MAP3K4: variants seen among roughly 807,000 people sequenced by gnomAD.
MAP3K4 encodes the protein mitogen-activated protein kinase kinase kinase 4.
MAP3K4 carries 67 observed loss-of-function variants against 185.6 expected under a neutral mutation model. The observed-to-expected ratio is 0.36, with a 90% CI of 0.30 to 0.44. MAP3K4 has a LOEUF of 0.44. Among genes scored for constraint, MAP3K4 ranks in the 20% least tolerant of loss-of-function variants. The pLI, the probability that MAP3K4 is intolerant of heterozygous loss-of-function variation, is 1.00. For synonymous variants in MAP3K4, 702 were observed against 710.4 expected (o/e 0.99, Z 0.19); for missense variants, 1,551 against 1,995.1 (o/e 0.78, Z 4.24).
At chr6:161,013,736 C>T (rs9346845) in intron 1 of MAP3K4, among the ~76,000 whole-genome samples, 1 of 152,354 alleles carries the variant, frequency 6.6e-6, no homozygotes, top group East Asian at 1.9e-4. Context: ...AGAGTAGCAG[C>T]TCAGGGCAGT....
intron 1 of MAP3K4, among the ~76,000 whole-genome samples, chr6:161,014,636 A>G (rs1224383482): frequency 4.6e-5 from 7 of 152,234 alleles, no homozygotes; most frequent in Non-Finnish European, 1.0e-4. Flanking sequence ...GACTACCAAA[A>G]AACATTGTGT....
rs1784934313 is a variant in MAP3K4 at position 161,071,347 on chromosome 6, A to T, written c.1950+497A>T. On this transcript the variant is annotated intron_variant, in intron 4 of 26. Transcript: ENST00000392142. This position sits in a 1 kb window ranked among gnomAD's most constrained non-coding sequence, Gnocchi z 4.6. The stretch of plus-strand genomic sequence containing the variant: ...GGATGTTTGATATCCCAGGAGCAGC[A>T]GCGGAATGGGTGGAAGCAGTTGTAT... Among the ~76,000 whole-genome samples the T allele has an allele frequency of 6.6e-6, 1 of 152,190 alleles. No homozygotes were observed.
At chr6:161,089,260 A>G (rs1785901707) in intron 10 of MAP3K4, 62 bp from the exon 11 acceptor site, 1 of 1,554,848 alleles carries the variant, frequency 6.4e-7, no homozygotes, top group Non-Finnish European at 8.7e-7. Flanking sequence ...ACTGGTGTTG[A>G]ACTAGAATAA....
Position 161,070,567 on chromosome 6 carries a change from G to A in MAP3K4, c.1708-41G>A, listed in dbSNP as rs370048611. On this transcript the variant is annotated intron_variant, in intron 3 of 26. Transcript: ENST00000392142. The surrounding 1 kb of genome is among the most constrained non-coding windows in gnomAD (Gnocchi z 4.5). ...AACCACAACCGTAGAACGTTGTCTC[G>A]TATGCTCTTTTAATCTGTGCCTGTT... The A allele has an allele frequency of 3.0e-5, 47 of 1,590,442 alleles. No homozygotes were observed. In the Middle Eastern group the frequency reaches 1.0e-3, roughly 35 times the overall value.
At chr6:160,995,736 A>C (rs1051010539) in intron 1 of MAP3K4, among the ~76,000 whole-genome samples, 3 of 152,180 alleles carry the variant, frequency 2.0e-5, no homozygotes, top group Non-Finnish European at 4.4e-5. Flanking sequence ...TTTTAGGAGG[A>C]TCCTGAGGTG....
Position 161,067,479 on chromosome 6 carries a change from A to C in MAP3K4, c.1708-3129A>C, listed in dbSNP as rs1228782294. The stretch of plus-strand genomic sequence containing the variant: ...GATTTGTTTTCCTTTCACAACCCTG[A>C]CCACATTTATTACAAGTAATTATTT... On this transcript the variant is annotated intron_variant, in intron 3 of 26. Coordinates refer to ENST00000392142, the MANE Select transcript of MAP3K4 (RefSeq NM_005922.4). This position sits in a 1 kb window ranked among gnomAD's most constrained non-coding sequence, Gnocchi z 6.3. 1.3e-5 allele frequency among the ~76,000 whole-genome samples: 2 copies of C among 152,170 alleles called. No individual in the cohort carries two copies. The highest frequency in any genetic ancestry group is 4.8e-5 in the African/African-American group (2 of 41,436).
chr6:161,070,057 T>C lies in MAP3K4; in HGVS notation c.1708-551T>C, dbSNP rs1784871089. On this transcript the variant is annotated intron_variant, in intron 3 of 26. Transcript: ENST00000392142. The surrounding 1 kb of genome is among the most constrained non-coding windows in gnomAD (Gnocchi z 4.5). ...GGATAACTGAGTCATGCCAACCAGGTTGATCTTAACGATTTTTTAATTTTT... is the reference window on the plus strand; with the variant it reads ...GGATAACTGAGTCATGCCAACCAGGCTGATCTTAACGATTTTTTAATTTTT... Among the ~76,000 whole-genome samples the C allele has an allele frequency of 1.3e-5, 2 of 152,198 alleles. No homozygotes were observed. Among genetic ancestry groups the C allele is most frequent in the South Asian group, 4.1e-4 (2 of 4,828 alleles).
At position 161,007,825 on chromosome 6, in the gene MAP3K4, A is replaced by T. The variant is rs1457194677; in HGVS notation, c.152+15742A>T. Among the ~76,000 whole-genome samples, 2 of 152,192 alleles carry T rather than the reference A, an allele frequency of 1.3e-5. No homozygotes were observed. Among genetic ancestry groups the T allele is most frequent in the Non-Finnish European group, 2.9e-5 (2 of 68,030 alleles). ...GGCTGTCAATTGTAATATGCAGCAT[A>T]AATTTTATATGTCACTAAGGAAAAA... On this transcript the variant is annotated intron_variant, in intron 1 of 26. Coordinates refer to ENST00000392142, the MANE Select transcript of MAP3K4 (RefSeq NM_005922.4). The surrounding 1 kb of genome is among the most constrained non-coding windows in gnomAD (Gnocchi z 4.5).
chr6:161,032,399 G>C (rs1178793795), intron 1 of MAP3K4, among the ~76,000 whole-genome samples: 3 of 152,164 alleles, frequency 2.0e-5, no homozygotes, highest in African/African-American at 7.2e-5. Flanking sequence ...ACTATATTCT[G>C]ACTCTTTTGT....
At chr6:161,068,373 G>C (rs1350828525) in intron 3 of MAP3K4, among the ~76,000 whole-genome samples, 1 of 152,178 alleles carries the variant, frequency 6.6e-6, no homozygotes, top group African/African-American at 2.4e-5. Context: ...ACAGAACACT[G>C]TCTGCAGATC....
At chr6:161,042,384 C>T (rs1354977554) in intron 2 of MAP3K4, among the ~76,000 whole-genome samples, 1 of 152,154 alleles carries the variant, frequency 6.6e-6, no homozygotes, top group African/African-American at 2.4e-5. Context: ...ATGATTAGCT[C>T]TGCATTACCT....
intron 1 of MAP3K4, among the ~76,000 whole-genome samples, chr6:161,009,172 A>G (rs915044631): frequency 4.0e-5 from 6 of 151,884 alleles, no homozygotes; most frequent in Non-Finnish European, 8.8e-5. Context: ...TTTAGTAGAG[A>G]CGGGGTTTCA....
intron 6 of MAP3K4, among the ~76,000 whole-genome samples, chr6:161,083,930 A>G (rs907712497): frequency 3.9e-5 from 6 of 152,108 alleles, no homozygotes; most frequent in African/African-American, 9.7e-5. Context: ...CTGTTACTAG[A>G]TCCTAAGTTT....
In MAP3K4 at chr6:161,112,754, A is replaced by G. The variant is rs1778409572; in HGVS notation, c.4606A>G (p.Ile1536Val). Residue 1536 changes from isoleucine (I) to valine (V), a missense_variant, in exon 25 of 27, where the codon ATA becomes GTA. Transcript: ENST00000392142. The surrounding 1 kb of genome is among the most constrained non-coding windows in gnomAD (Gnocchi z 5.1). ...CATCTGGAGTCTGGGGTGTGTTGTC[A>G]TAGAGATGGTGACTGGCAAGGTAAG... is the stretch of plus-strand genomic sequence containing the variant. ...ADIWSLGCVV[I>V]EMVTGKRPWH... The G allele has an allele frequency of 1.2e-6, 2 of 1,604,600 alleles. No individual in the cohort carries two copies. The highest frequency in any genetic ancestry group is 1.7e-5 in the Admixed American group (1 of 57,462).
At chr6:161,026,689 T>C (rs1272384618) in intron 1 of MAP3K4, among the ~76,000 whole-genome samples, 1 of 151,630 alleles carries the variant, frequency 6.6e-6, no homozygotes, top group Non-Finnish European at 1.5e-5. Context: ...TTTTTATGTG[T>C]AATGGGACTC....
chr6:161,048,599 AT>A lies in MAP3K4; in HGVS notation c.344-6del, dbSNP rs564402872. 39,282 of 1,054,568 alleles carry A rather than the reference AT, an allele frequency of 0.037. 623 individuals carry two copies. Among genetic ancestry groups the A allele is most frequent in the African/African-American group, 0.15 (9,373 of 61,720 alleles). The allele number at this position is 1,054,568 out of a possible 1,614,324, so 65.3% of individuals were successfully genotyped here. On this transcript the variant is annotated splice_polypyrimidine_tract_variant and intron_variant, in intron 2 of 26. Transcript: ENST00000392142. This position sits in a 1 kb window ranked among gnomAD's most constrained non-coding sequence, Gnocchi z 4.7. ...TTTAGAGTTATATAATGTTCTGTTT[AT>A]TTTTTTTTTTAATAGAAAAAATGAA...
rs990831761 is a variant in MAP3K4 at position 160,991,840 on chromosome 6, G to A, written c.-92G>A. The A allele has an allele frequency of 7.4e-7, 1 of 1,352,750 alleles. No individual in the cohort carries two copies. Among genetic ancestry groups the A allele is most frequent in the Non-Finnish European group, 9.5e-7 (1 of 1,051,574 alleles). The allele number at this position is 1,352,750 out of a possible 1,614,324, so 83.8% of individuals were successfully genotyped here. On this transcript the variant is annotated 5_prime_UTR_variant, in exon 1 of 27. Transcript: ENST00000392142. The surrounding 1 kb of genome is among the most constrained non-coding windows in gnomAD (Gnocchi z 5.7). ...CTGCGGCGGGGTAGAGGCGGAGGCG[G>A]AGTCGAGTCACTCCCGCACTTCGGG...
rs189083948 is a variant in MAP3K4 at position 161,077,762 on chromosome 6, A to G, written c.2098-3119A>G. ...GTGACTGTGGGTGTCCAGCTCCTGC[A>G]GCTGTGTGAGTGGTGAAGATGTGAG... On this transcript the variant is annotated intron_variant, in intron 5 of 26. Coordinates refer to ENST00000392142, the MANE Select transcript of MAP3K4 (RefSeq NM_005922.4). This position sits in a 1 kb window ranked among gnomAD's most constrained non-coding sequence, Gnocchi z 4.3. Among the ~76,000 whole-genome samples, 17 of 152,344 alleles carry G rather than the reference A, an allele frequency of 1.1e-4. No individual in the cohort carries two copies. In the South Asian group the frequency reaches 1.5e-3, roughly 13 times the overall value.
In MAP3K4 at chr6:161,067,266, T is replaced by C; in HGVS notation, c.1708-3342T>C. ...GTTCCATCCAGAAAGACAGGACAAC[T>C]CGAAGCAGGGATGGGGCTTGCAGGT... On this transcript the variant is annotated intron_variant, in intron 3 of 26. Transcript: ENST00000392142. The surrounding 1 kb of genome is among the most constrained non-coding windows in gnomAD (Gnocchi z 6.3). 4.5e-6 allele frequency: 2 copies of C among 443,794 alleles called. No individual in the cohort carries two copies. Among genetic ancestry groups the C allele is most frequent in the South Asian group, 3.2e-5 (2 of 62,166 alleles). The allele number at this position is 443,794 out of a possible 1,614,324, so 27.5% of individuals were successfully genotyped here.
Sources: allele counts gnomAD v4.1 joint callset (sites outside exome capture counted in the v4.1 genomes callset), GRCh38; gene constraint gnomAD v4.1.1; non-coding constraint Gnocchi (gnomAD v3.1); transcripts MANE v1.5; gene names NCBI Gene and HGNC (gene_info 2026-07-23, HGNC 2026-07-21).